The following MSRA variants were observed in gnomAD, a reference collection of about 807,000 sequenced individuals.
MSRA encodes the protein mitochondrial peptide methionine sulfoxide reductase.
MSRA carries 54 observed loss-of-function variants against 31.3 expected under a neutral mutation model. The observed-to-expected ratio is 1.73, with a 90% confidence interval of 1.39 to 2.17. The LOEUF is 2.17. Among genes scored for constraint, MSRA ranks in the 30% most tolerant of loss-of-function variants. MSRA has a pLI of 0.00. For synonymous variants in MSRA, 169 were observed against 116.5 expected (o/e 1.45, Z -2.90); for missense variants, 507 against 300.9 (o/e 1.69, Z -5.07).
intron 2 of MSRA, among the ~76,000 whole-genome samples, chr8:10,237,483 A>G (rs971606312): frequency 2.6e-5 from 4 of 152,392 alleles, no homozygotes; most frequent in East Asian, 1.9e-4. Context: ...TCTAAGTTCA[A>G]TAAAATTCTA....
At chr8:10,061,279 TAGTC>T (rs750115437) in intron 1 of MSRA, among the ~76,000 whole-genome samples, 4 of 152,204 alleles carry the variant, frequency 2.6e-5, no homozygotes, top group Admixed American at 2.0e-4. Flanking sequence ...TCTTTTTACT[TAGTC>T]ATTCATTAAA....
chr8:10,072,589 C>G (rs180975693), intron 1 of MSRA, among the ~76,000 whole-genome samples: 1 of 152,308 alleles, frequency 6.6e-6, no homozygotes, highest in Admixed American at 6.5e-5. Context: ...GTTCTAAGGT[C>G]TGTCCCACTC....
At chr8:10,193,762 A>G (rs906809294) in intron 1 of MSRA, among the ~76,000 whole-genome samples, 1 of 152,184 alleles carries the variant, frequency 6.6e-6, no homozygotes, top group Non-Finnish European at 1.5e-5. Context: ...GGGTTATCCA[A>G]CTTCCCTTAA....
intron 4 of MSRA, among the ~76,000 whole-genome samples, chr8:10,312,196 A>G (rs867322434): frequency 1.4e-4 from 21 of 152,172 alleles, no homozygotes; most frequent in African/African-American, 3.4e-4. Context: ...AATGGGAAGC[A>G]AACAAACAGA....
intron 3 of MSRA, among the ~76,000 whole-genome samples, chr8:10,268,100 G>A (rs554361865): frequency 6.6e-6 from 1 of 152,276 alleles, no homozygotes; most frequent in South Asian, 2.1e-4. Flanking sequence ...CATTTCATAA[G>A]CATTTGATGA....
intron 1 of MSRA, among the ~76,000 whole-genome samples, chr8:10,133,769 C>G (rs1374430105): frequency 6.6e-6 from 1 of 152,196 alleles, no homozygotes; most frequent in Non-Finnish European, 1.5e-5. Context: ...TGAACCTTAA[C>G]AGGATATTAT....
At chr8:10,386,935 G>A (rs1178690638) in intron 5 of MSRA, among the ~76,000 whole-genome samples, 1 of 151,928 alleles carries the variant, frequency 6.6e-6, no homozygotes, top group East Asian at 1.9e-4. Context: ...CAAAGGCATG[G>A]GATCGGCTGA....
chr8:10,337,553 A>G (rs1803133488), intron 5 of MSRA: 7 of 617,414 alleles, frequency 1.1e-5, no homozygotes, highest in Middle Eastern at 2.9e-4. Context: ...ATTAAGTCTG[A>G]TATACATCAA....
intron 4 of MSRA, among the ~76,000 whole-genome samples, chr8:10,306,599 A>T (rs1486492648): frequency 6.6e-6 from 1 of 152,034 alleles, no homozygotes; most frequent in African/African-American, 2.4e-5. Context: ...AGGCTGGTGG[A>T]TCCTTGCTCA....
intron 5 of MSRA, among the ~76,000 whole-genome samples, chr8:10,400,351 T>G (rs1379009714): frequency 1.9e-5 from 2 of 106,786 alleles, no homozygotes; most frequent in African/African-American, 6.8e-5. Context: ...GCCTATGACC[T>G]ATTCAGGCTC....
chr8:10,087,063 A>C (rs1563418335), intron 1 of MSRA, among the ~76,000 whole-genome samples: 1 of 152,116 alleles, frequency 6.6e-6, no homozygotes. Flanking sequence ...ATTTTGGGAG[A>C]TGTTTCAATA....
chr8:10,122,700 A>T (rs1468941226), intron 1 of MSRA, among the ~76,000 whole-genome samples: 1 of 151,900 alleles, frequency 6.6e-6, no homozygotes, highest in East Asian at 1.9e-4. Flanking sequence ...CTCTACACTC[A>T]AGGAGGCCCC....
intron 1 of MSRA, among the ~76,000 whole-genome samples, chr8:10,089,559 G>A (rs755585496): frequency 6.6e-6 from 1 of 152,196 alleles, no homozygotes; most frequent in Admixed American, 6.5e-5. Context: ...GCGGGTAGAC[G>A]AGAGGTAGGT....
chr8:10,175,448 G>C (rs564029186), intron 1 of MSRA, among the ~76,000 whole-genome samples: 1 of 152,268 alleles, frequency 6.6e-6, no homozygotes, highest in East Asian at 1.9e-4. Context: ...ATGTAACACA[G>C]GATCAACAAG....
chr8:10,417,262 C>G (rs1425865175), intron 5 of MSRA, among the ~76,000 whole-genome samples: 1 of 152,136 alleles, frequency 6.6e-6, no homozygotes, highest in African/African-American at 2.4e-5. Flanking sequence ...CGCTCCTTGT[C>G]ATTGTCACAC....
chr8:10,354,748 G>GTATATATA (rs1477165567), intron 5 of MSRA, among the ~76,000 whole-genome samples: 73 of 129,000 alleles, frequency 5.7e-4, no homozygotes, highest in African/African-American at 2.0e-3. Flanking sequence ...GTGTGTGTGT[G>GTATATATA]TGTATATATA....
chr8:10,065,502 G>A (rs1350239583), intron 1 of MSRA, among the ~76,000 whole-genome samples: 1 of 152,250 alleles, frequency 6.6e-6, no homozygotes, highest in Non-Finnish European at 1.5e-5. Context: ...GTAGGGTTAT[G>A]CAGCTGTTTG....
intron 5 of MSRA, among the ~76,000 whole-genome samples, chr8:10,381,481 G>A (rs1340033112): frequency 6.6e-6 from 1 of 152,164 alleles, no homozygotes; most frequent in African/African-American, 2.4e-5. Flanking sequence ...ATGAGGCCTA[G>A]ATGCTGGAGC....
At chr8:10,291,689 A>C (rs1483225292) in intron 3 of MSRA, among the ~76,000 whole-genome samples, 1 of 152,076 alleles carries the variant, frequency 6.6e-6, no homozygotes, top group Non-Finnish European at 1.5e-5. Context: ...TTCTCCCTTC[A>C]AACACCTGGA....
Sources: gnomAD v4.1 joint callset for allele counts (sites outside exome capture counted in the v4.1 genomes callset) on GRCh38, gnomAD v4.1.1 for gene constraint, MANE v1.5 for transcripts, NCBI Gene and HGNC (gene_info 2026-07-23, HGNC 2026-07-21) for gene names.